HEPH: variants seen among roughly 807,000 people sequenced by gnomAD.
HEPH encodes hephaestin.
Under a neutral mutation model 80.8 loss-of-function variants are expected in HEPH, and 69 were observed. The observed-to-expected ratio is 0.85, with a 90% confidence interval of 0.70 to 1.04. The LOEUF is 1.04. Ranked by LOEUF, HEPH falls within the 50% of genes least tolerant of loss-of-function variation. The pLI is 0.00. For synonymous variants in HEPH, 431 were observed against 322.8 expected (o/e 1.34, Z -3.60); for missense variants, 1,115 against 891.3 (o/e 1.25, Z -3.20).
intron 15 of HEPH, among the ~76,000 whole-genome samples, chrX:66,230,646 G>T (rs1457608412): frequency 2.0e-5 from 2 of 97,569 alleles, no homozygotes; most frequent in Non-Finnish European, 4.1e-5. Flanking sequence ...TTGTAAATTT[G>T]TTTGAGTTCA....
In HEPH at chrX:66,260,641, G is replaced by A. The variant is rs758064082; in HGVS notation, c.3199+379G>A. ...ACAAATGTATTACTTGACTTCATTAGAGTAACTGATTATTTCAAGGAATAT... is the reference window on the plus strand; with the variant it reads ...ACAAATGTATTACTTGACTTCATTAAAGTAACTGATTATTTCAAGGAATAT... On this transcript the variant is annotated intron_variant, in intron 19 of 20. Coordinates refer to ENST00000343002, the MANE Select transcript of HEPH (RefSeq NM_001367233.3). Among the ~76,000 whole-genome samples the A allele has an allele frequency of 5.3e-5, 6 of 112,465 alleles. No homozygotes were observed. In the South Asian group the frequency reaches 2.2e-3, roughly 42 times the overall value.
intron 9 of HEPH, among the ~76,000 whole-genome samples, chrX:66,196,770 T>C (rs1436476782): frequency 8.9e-6 from 1 of 112,113 alleles, no homozygotes; most frequent in African/African-American, 3.2e-5. Context: ...TCAACAAAAC[T>C]CACTGTTGTT....
Position 66,255,086 on chromosome X carries a change from C to G in HEPH, c.2615C>G (p.Pro872Arg), listed in dbSNP as rs1244485829. The G allele has an allele frequency of 1.7e-6, 2 of 1,205,812 alleles. No individual in the cohort carries two copies. Among genetic ancestry groups the G allele is most frequent in the Admixed American group, 4.4e-5 (2 of 45,524 alleles). Reference sequence around the variant, plus strand: ...ATCCCAGAGAGGTCTGGCCCTGGGCCCAATGACTCTGCTTGTGTTTCCTGG... The same window carrying G: ...ATCCCAGAGAGGTCTGGCCCTGGGCGCAATGACTCTGCTTGTGTTTCCTGG... ...WNIPERSGPG[P>R]NDSACVSWIY... The change falls in exon 16 of 21, where the codon CCC becomes CGC. Residue 872 changes from proline to arginine, a missense_variant. Coordinates refer to ENST00000343002, the MANE Select transcript of HEPH (RefSeq NM_001367233.3).
intron 12 of HEPH, among the ~76,000 whole-genome samples, chrX:66,202,295 G>C (rs752749501): frequency 8.9e-6 from 1 of 111,789 alleles, no homozygotes; most frequent in Non-Finnish European, 1.9e-5. Flanking sequence ...TGCTAGTTGA[G>C]TTTGAGACAA....
chrX:66,197,009 A>G (rs1326636806), intron 9 of HEPH, among the ~76,000 whole-genome samples: 1 of 109,555 alleles, frequency 9.1e-6, no homozygotes, highest in Non-Finnish European at 1.9e-5. Flanking sequence ...ACTTCTTACC[A>G]TCATGCATTA....
intron 15 of HEPH, among the ~76,000 whole-genome samples, chrX:66,212,186 G>A (rs1286942905): frequency 1.1e-5 from 1 of 93,863 alleles, no homozygotes; most frequent in East Asian, 3.5e-4. Flanking sequence ...TTTTTAATGT[G>A]TTTTTTTTTT....
At chrX:66,163,194 A>G (rs771056047), upstream of HEPH, among the ~76,000 whole-genome samples, 4 of 111,027 alleles carry the variant, frequency 3.6e-5, no homozygotes, top group African/African-American at 1.3e-4. Context: ...GGCCAAATCC[A>G]CAAAATCCAC....
At position 66,199,152 on chromosome X, in the gene HEPH, T is replaced by C. The variant is rs772708816; in HGVS notation, c.1864+124T>C. On this transcript the variant is annotated intron_variant, in intron 11 of 20. Coordinates refer to ENST00000343002, the MANE Select transcript of HEPH (RefSeq NM_001367233.3). The stretch of plus-strand genomic sequence containing the variant: ...GGTCATCTCTGTCCAAGAGGCGAGC[T>C]AGATTGAGAGGCTCAACCGAACACA... The C allele has an allele frequency of 6.6e-6, 4 of 603,735 alleles. No individual in the cohort carries two copies. The South Asian group carries it at 1.1e-4, about 17-fold the overall frequency. 49.8% of individuals were successfully genotyped at this position (603,735 alleles called of 1,213,427 possible).
At position 66,258,842 on chromosome X, in the gene HEPH, A is replaced by G; in HGVS notation, c.2899A>G (p.Ile967Val). Residue 967 changes from isoleucine to valine, a missense_variant and splice_region_variant, in exon 18 of 21, where the codon ATC becomes GTC. By Grantham distance (29) the Ile-to-Val change is conservative. This residue lies in a region of HEPH where 716 missense variants were observed against 523.5 expected (regional missense o/e 1.37). Transcript: ENST00000343002. Reference protein sequence around the residue: ...TFLESNKMHAINGKLYANLRG... With the variant: ...TFLESNKMHAVNGKLYANLRG... ...TTTCTTTTCTTTTTTTTTGACAGCA[A>G]TCAATGGGAAACTCTATGCCAACCT... 2.6e-6 allele frequency: 3 copies of G among 1,142,044 alleles called. No homozygotes were observed. In the South Asian group the frequency reaches 6.2e-5, roughly 24 times the overall value. 94.1% of individuals were successfully genotyped at this position (1,142,044 alleles called of 1,213,427 possible).
chrX:66,266,305 T>A, intron 20 of HEPH, 135 bp from the exon 21 acceptor site: 1 of 466,693 alleles, frequency 2.1e-6, no homozygotes, highest in Non-Finnish European at 3.7e-6. Flanking sequence ...CTTCATCAGC[T>A]AGTTTTGTGA....
chrX:66,178,820 A>C (rs2086947836), intron 4 of HEPH, among the ~76,000 whole-genome samples: 1 of 111,276 alleles, frequency 9.0e-6, no homozygotes, highest in African/African-American at 3.3e-5. Context: ...AATTTGTTTG[A>C]ATTATTTGTA....
Position 66,260,279 on chromosome X carries a change from C to T in HEPH, c.3199+17C>T. The T allele has an allele frequency of 8.5e-7, 1 of 1,173,665 alleles. No homozygotes were observed. Among genetic ancestry groups the T allele is most frequent in the Non-Finnish European group, 1.2e-6 (1 of 863,588 alleles). On this transcript the variant is annotated intron_variant, in intron 19 of 20. Transcript: ENST00000343002. ...CTCGAACAGGTAAGTCCTAACTTCC[C>T]CAAAATGATCATCTTCTAACACTTT...
rs755848148 is a variant in HEPH, at chrX:66,258,929, G to A, written c.2986G>A (p.Asp996Asn). The change falls in exon 18 of 21, where the codon GAT (aspartate) becomes AAT (asparagine). Residue 996 changes from aspartate (D) to asparagine (N), a missense_variant. This residue lies in a region of HEPH where 716 missense variants were observed against 523.5 expected (regional missense o/e 1.37). Transcript: ENST00000343002. The stretch of plus-strand genomic sequence containing the variant: ...CTGGTACATGCTGGCCATGGGCCAA[G>A]ATGTGGATCTACACACCATCCACTT... ...VAWYMLAMGQ[D>N]VDLHTIHFHA... 1 of 1,170,348 alleles carries A rather than the reference G, an allele frequency of 8.5e-7. No individual in the cohort carries two copies. Among genetic ancestry groups the A allele is most frequent in the Admixed American group, 2.3e-5 (1 of 42,933 alleles).
chrX:66,179,457 T>C (rs1055870824), intron 4 of HEPH, among the ~76,000 whole-genome samples: 20 of 111,880 alleles, frequency 1.8e-4, no homozygotes, highest in African/African-American at 6.5e-4. Context: ...ATGAACTTTA[T>C]AGTAGTTTTT....
intron 7 of HEPH, 99 bp downstream of exon 7, chrX:66,192,397 C>G: frequency 1.1e-6 from 1 of 904,733 alleles, no homozygotes; most frequent in Non-Finnish European, 1.5e-6. Flanking sequence ...ACTCAGGGAT[C>G]CAAATCATTG....
At chrX:66,176,675 G>C (rs1006953719) in intron 4 of HEPH, among the ~76,000 whole-genome samples, 4 of 110,544 alleles carry the variant, frequency 3.6e-5, no homozygotes, top group African/African-American at 1.3e-4. Context: ...ACAGTCCCTG[G>C]TGTGTGATGT....
At chrX:66,206,874 G>A (rs1210245993) in intron 13 of HEPH, among the ~76,000 whole-genome samples, 7 of 109,281 alleles carry the variant, frequency 6.4e-5, no homozygotes, top group East Asian at 5.9e-4. Context: ...AAAAGTAGCC[G>A]GGCGTGGTGG....
intron 1 of HEPH, among the ~76,000 whole-genome samples, chrX:66,166,874 G>A (rs2086390407): frequency 8.9e-6 from 1 of 111,944 alleles, no homozygotes; most frequent in Non-Finnish European, 1.9e-5. Context: ...GGGAATTTAT[G>A]AGTGTGCACA....
At chrX:66,255,238 GA>G in intron 16 of HEPH, 97 bp downstream of exon 16, 1 of 490,014 alleles carries the variant, frequency 2.0e-6, no homozygotes, top group Non-Finnish European at 3.4e-6. Context: ...TGAGATTCTA[GA>G]GCCTAGAATT....
Sources: allele counts gnomAD v4.1 joint callset (sites outside exome capture counted in the v4.1 genomes callset), GRCh38; gene constraint gnomAD v4.1.1; regional missense constraint gnomAD v4.1.1; transcripts MANE v1.5; gene names NCBI Gene and HGNC (gene_info 2026-07-23, HGNC 2026-07-21).